LMX1A: variants seen among roughly 807,000 people sequenced by gnomAD.
The protein encoded by LMX1A is LIM homeobox transcription factor 1 alpha, also known as LIM homeobox transcription factor 1-alpha.
A neutral mutation model predicts 49.1 loss-of-function variants in LMX1A; 15 were observed. That is an observed-to-expected ratio of 0.31 (90% CI 0.20 to 0.47). The LOEUF (loss-of-function observed/expected upper bound fraction) is 0.47, where lower values mean the gene tolerates loss of function less well. Among genes scored for constraint, LMX1A ranks in the 20% least tolerant of loss-of-function variants. The pLI, the probability that LMX1A is intolerant of heterozygous loss-of-function variation, is 1.00. For synonymous variants in LMX1A, 167 were observed against 185.7 expected, an observed-to-expected ratio of 0.90 and a Z score of 0.82; for missense variants, 372 against 475.8, an observed-to-expected ratio of 0.78 and a Z score of 2.03.
chr1:165,315,884 A>C (rs1372946448), intron 3 of LMX1A, among the ~76,000 whole-genome samples: 1 of 152,236 alleles, frequency 6.6e-6, no homozygotes, highest in African/African-American at 2.4e-5. Context: ...CTCTCTCAGC[A>C]GTACTGATTT....
chr1:165,214,224 G>A (rs749789114), intron 4 of LMX1A, among the ~76,000 whole-genome samples: 2 of 152,090 alleles, frequency 1.3e-5, no homozygotes, highest in African/African-American at 2.4e-5. Flanking sequence ...GTTCTCACAC[G>A]ATCTGATGGC....
chr1:165,328,030 G>T (rs1458561113), intron 3 of LMX1A, among the ~76,000 whole-genome samples: 17 of 152,234 alleles, frequency 1.1e-4, no homozygotes, highest in Non-Finnish European at 7.3e-5. Flanking sequence ...CTGTCTCTGG[G>T]TTGAGACTAG....
At chr1:165,221,757 T>C (rs963021324) in intron 4 of LMX1A, among the ~76,000 whole-genome samples, 3 of 152,194 alleles carry the variant, frequency 2.0e-5, no homozygotes, top group African/African-American at 7.2e-5. Context: ...CTGGTGCTCA[T>C]GAAGGGAAAC....
At chr1:165,306,040 G>A (rs924499924) in intron 3 of LMX1A, among the ~76,000 whole-genome samples, 2 of 152,114 alleles carry the variant, frequency 1.3e-5, no homozygotes, top group African/African-American at 2.4e-5. Flanking sequence ...CCAGACGTGC[G>A]TACAGAAAAA....
In LMX1A at chr1:165,208,201, C is replaced by T. The variant is rs1223572700; in HGVS notation, c.748-69G>A. On this transcript the variant is annotated intron_variant, in intron 6 of 8. Transcript: ENST00000342310. ...AGCATGTTCACAAAGTAAGGGGGGG[C>T]CTGGAAGTGACACCTTCCCCGGGAG... The T allele has an allele frequency of 7.7e-6, 11 of 1,432,440 alleles. No individual in the cohort carries two copies. In the East Asian group the frequency reaches 1.4e-4, roughly 18 times the overall value. 88.7% of individuals were successfully genotyped at this position (1,432,440 alleles called of 1,614,324 possible). A position where few individuals can be genotyped will look rare whatever the true frequency, so the allele number is the denominator to read the frequency against.
intron 3 of LMX1A, among the ~76,000 whole-genome samples, chr1:165,306,466 A>C (rs543169198): frequency 1.3e-5 from 2 of 152,324 alleles, no homozygotes; most frequent in Admixed American, 6.5e-5. Flanking sequence ...GGGTAAGTCC[A>C]GGTGACCCAT....
At chr1:165,221,411 T>G (rs572979266) in intron 4 of LMX1A, among the ~76,000 whole-genome samples, 1 of 151,768 alleles carries the variant, frequency 6.6e-6, no homozygotes, top group East Asian at 1.9e-4. Context: ...CCCCCAACTA[T>G]CCTGCCCTGC....
chr1:165,296,192 GC>G (rs1327699597), intron 3 of LMX1A, among the ~76,000 whole-genome samples: 1 of 152,210 alleles, frequency 6.6e-6, no homozygotes, highest in African/African-American at 2.4e-5. Context: ...CACCAAACAT[GC>G]ATGTTTCTCA....
chr1:165,245,437 A>G (rs1480101135), intron 4 of LMX1A, among the ~76,000 whole-genome samples: 1 of 152,112 alleles, frequency 6.6e-6, no homozygotes, highest in East Asian at 1.9e-4. Flanking sequence ...TCCCCAGTAC[A>G]TGGGTCGGCA....
chr1:165,249,775 C>A (rs1652989820), intron 3 of LMX1A, 135 bp from the exon 4 acceptor site: 2 of 666,966 alleles, frequency 3.0e-6, no homozygotes. Context: ...ACTTTAAATC[C>A]AGGTTATTTA....
At chr1:165,235,184 G>A (rs1439817382) in intron 4 of LMX1A, among the ~76,000 whole-genome samples, 1 of 152,168 alleles carries the variant, frequency 6.6e-6, no homozygotes, top group Non-Finnish European at 1.5e-5. Context: ...GATGGTATCT[G>A]TAGCACAGTA....
chr1:165,277,981 T>A (rs907365936), intron 3 of LMX1A, among the ~76,000 whole-genome samples: 1 of 152,262 alleles, frequency 6.6e-6, no homozygotes, highest in Non-Finnish European at 1.5e-5. Flanking sequence ...CAGCTAATAC[T>A]GTGTGCTAGT....
In LMX1A at chr1:165,249,654, G is replaced by T; in HGVS notation, c.264-14C>A. 1 of 1,605,584 alleles carries T rather than the reference G, an allele frequency of 6.2e-7. No individual in the cohort carries two copies. Reference sequence around the variant, plus strand: ...ACAGCAAACAGCCTGGCAGCAGGGAGAAAGGAAGTACATGCACCATGAGTA... The same window carrying T: ...ACAGCAAACAGCCTGGCAGCAGGGATAAAGGAAGTACATGCACCATGAGTA... On this transcript the variant is annotated splice_polypyrimidine_tract_variant and intron_variant, in intron 3 of 8. Transcript: ENST00000342310.
rs369994362 is a variant in LMX1A at position 165,203,183 on chromosome 1, T to C, written c.*697A>G. The C allele has an allele frequency of 1.3e-5, 2 of 152,396 alleles. No homozygotes were observed. Among genetic ancestry groups the C allele is most frequent in the African/African-American group, 4.8e-5 (2 of 41,290 alleles). 9.4% of individuals were successfully genotyped at this position (152,396 alleles called of 1,614,324 possible). ...AGCAAGAATGCAAGAGAGAACACCA[T>C]CAGCCACACAGAATTTCTTTCCAGA... On this transcript the variant is annotated 3_prime_UTR_variant, in exon 9 of 9. Transcript: ENST00000342310.
At chr1:165,353,313 T>C in intron 2 of LMX1A, 51 bp from the exon 3 acceptor site, 1 of 1,516,790 alleles carries the variant, frequency 6.6e-7, no homozygotes, top group Non-Finnish European at 9.0e-7. Flanking sequence ...AGGTAGACCA[T>C]GCCAAACCTG....
chr1:165,304,247 T>C (rs1237371854), intron 3 of LMX1A, among the ~76,000 whole-genome samples: 3 of 152,158 alleles, frequency 2.0e-5, no homozygotes, highest in African/African-American at 7.2e-5. Context: ...CCATGGTATG[T>C]GCCTGGCTTA....
In LMX1A at chr1:165,202,841, C is replaced by T. The variant is rs1571140434; in HGVS notation, c.*1039G>A. On this transcript the variant is annotated 3_prime_UTR_variant, in exon 9 of 9. Coordinates refer to ENST00000342310, the MANE Select transcript of LMX1A (RefSeq NM_177398.4). ...GTTCAGGAGCCCTCCTGCTCTGCAA[C>T]CCTATGTACCCTCCTTTGCCAAGTG... The T allele has an allele frequency of 6.6e-6, 1 of 152,614 alleles. No homozygotes were observed. The highest frequency in any genetic ancestry group is 2.1e-4 in the South Asian group (1 of 4,822). The allele number at this position is 152,614 out of a possible 1,614,324, so 9.5% of individuals were successfully genotyped here. A position where few individuals can be genotyped will look rare whatever the true frequency, so the allele number is the denominator to read the frequency against.
chr1:165,354,324 C>T (rs988008489), intron 2 of LMX1A, among the ~76,000 whole-genome samples: 2 of 152,094 alleles, frequency 1.3e-5, no homozygotes, highest in Non-Finnish European at 2.9e-5. Flanking sequence ...GGAGAAGCAG[C>T]GAGATAGATC....
chr1:165,328,558 T>A (rs1655651522), intron 3 of LMX1A, among the ~76,000 whole-genome samples: 1 of 152,180 alleles, frequency 6.6e-6, no homozygotes, highest in African/African-American at 2.4e-5. Context: ...CCTGTGCCCT[T>A]GATGGCTGGC....
Sources: gnomAD v4.1 joint callset for allele counts (sites outside exome capture counted in the v4.1 genomes callset) on GRCh38, gnomAD v4.1.1 for gene constraint, MANE v1.5 for transcripts, NCBI Gene and HGNC (gene_info 2026-07-23, HGNC 2026-07-21) for gene names.